Variants in GALNTL6 observed in about 807,000 individuals in gnomAD.
The protein encoded by GALNTL6 is polypeptide N-acetylgalactosaminyltransferase like 6.
Under a neutral mutation model 73.7 loss-of-function variants are expected in GALNTL6, and 46 were observed. The ratio of observed to expected loss-of-function variants is 0.62; its 90% confidence interval spans 0.49 to 0.80. The LOEUF (loss-of-function observed/expected upper bound fraction) is 0.80. Ranked by LOEUF, GALNTL6 falls within the 30% of genes least tolerant of loss-of-function variation. GALNTL6 has a pLI of 0.00. For synonymous variants in GALNTL6, 259 were observed against 263.7 expected (o/e 0.98, Z 0.17); for missense variants, 604 against 755.0 (o/e 0.80, Z 2.34).
At chr4:172,331,144 A>G (rs1448501301) in intron 4 of GALNTL6, among the ~76,000 whole-genome samples, 1 of 150,616 alleles carries the variant, frequency 6.6e-6, no homozygotes. Context: ...TTGTTAGTTC[A>G]TTTTTTGTTC....
intron 2 of GALNTL6, among the ~76,000 whole-genome samples, chr4:171,927,538 A>G (rs754205856): frequency 1.2e-4 from 19 of 152,110 alleles, no homozygotes; most frequent in Non-Finnish European, 2.1e-4. Flanking sequence ...CTCATACCCT[A>G]TACACATGCC....
chr4:172,980,368 C>T (rs185905304), intron 10 of GALNTL6, among the ~76,000 whole-genome samples: 258 of 152,364 alleles, frequency 1.7e-3, no homozygotes, highest in African/African-American at 5.9e-3. Context: ...ACCAGCACCA[C>T]TATCCATCAC....
chr4:172,147,982 T>G (rs1225291591), intron 2 of GALNTL6, among the ~76,000 whole-genome samples: 1 of 152,138 alleles, frequency 6.6e-6, no homozygotes, highest in African/African-American at 2.4e-5. Flanking sequence ...ATAAGAAACG[T>G]ATTTATTTGT....
intron 8 of GALNTL6, among the ~76,000 whole-genome samples, chr4:172,893,313 G>A (rs1746139142): frequency 6.7e-6 from 1 of 150,258 alleles, no homozygotes; most frequent in East Asian, 1.9e-4. Flanking sequence ...ACACAAACCT[G>A]TGTATCACTC....
At chr4:172,177,808 T>TATATGTGTGTGTATATATACACAC in intron 2 of GALNTL6, among the ~76,000 whole-genome samples, 1 of 135,800 alleles carries the variant, frequency 7.4e-6, no homozygotes, top group South Asian at 2.1e-4. Flanking sequence ...TACACACACA[T>TATATGTGTGTGTATATATACACAC]ATATGTGTGT....
At chr4:172,615,453 G>T (rs1237624577) in intron 5 of GALNTL6, among the ~76,000 whole-genome samples, 1 of 152,102 alleles carries the variant, frequency 6.6e-6, no homozygotes, top group African/African-American at 2.4e-5. Context: ...GCCAAAATGA[G>T]ACCATACTTT....
intron 2 of GALNTL6, among the ~76,000 whole-genome samples, chr4:171,963,740 C>T (rs1224352355): frequency 6.6e-6 from 1 of 152,062 alleles, no homozygotes; most frequent in East Asian, 1.9e-4. Context: ...ACCATATTAA[C>T]ATAACGACAT....
intron 7 of GALNTL6, among the ~76,000 whole-genome samples, chr4:172,829,468 T>C (rs1355665971): frequency 6.6e-6 from 1 of 152,188 alleles, no homozygotes; most frequent in Non-Finnish European, 1.5e-5. Flanking sequence ...GAAGGTAAAA[T>C]ATTTACTAGA....
intron 5 of GALNTL6, among the ~76,000 whole-genome samples, chr4:172,622,420 C>T (rs2111074299): frequency 6.6e-6 from 1 of 152,132 alleles, no homozygotes; most frequent in East Asian, 1.9e-4. Context: ...CAATGGATCA[C>T]ATTAAAAAGA....
intron 2 of GALNTL6, among the ~76,000 whole-genome samples, chr4:171,994,622 C>T (rs74574152): frequency 0.03 from 4,536 of 151,892 alleles, 225 homozygotes; most frequent in African/African-American, 0.1. Context: ...CAGTAAAGAA[C>T]GTATCCATGT....
intron 11 of GALNTL6, among the ~76,000 whole-genome samples, chr4:173,020,312 G>T (rs1391839645): frequency 2.0e-5 from 3 of 152,084 alleles, no homozygotes; most frequent in Admixed American, 2.0e-4. Context: ...TAATAGAATG[G>T]GATGGATATA....
chr4:172,619,263 C>T (rs536591148), intron 5 of GALNTL6, among the ~76,000 whole-genome samples: 18 of 152,194 alleles, frequency 1.2e-4, no homozygotes, highest in South Asian at 6.2e-4. Flanking sequence ...GATGCCAGAT[C>T]GACAGCCAAT....
chr4:172,384,259 A>G (rs557001363), intron 5 of GALNTL6, among the ~76,000 whole-genome samples: 7 of 152,202 alleles, frequency 4.6e-5, no homozygotes, highest in Admixed American at 3.9e-4. Flanking sequence ...TAGTTTTCCT[A>G]ATTACTGTTT....
chr4:172,331,722 A>G (rs971274917), intron 4 of GALNTL6, among the ~76,000 whole-genome samples: 2 of 152,116 alleles, frequency 1.3e-5, no homozygotes, highest in African/African-American at 4.8e-5. Context: ...TCATCTTTTT[A>G]AGGCTTAGTA....
At chr4:172,371,801 C>T (rs4362786) in intron 5 of GALNTL6, among the ~76,000 whole-genome samples, 122,632 of 152,042 alleles carry the variant, frequency 0.81, 50,362 homozygotes, top group Non-Finnish European at 0.88. Context: ...TGCTGCTGTT[C>T]TCCCCTCTCC....
intron 5 of GALNTL6, among the ~76,000 whole-genome samples, chr4:172,635,282 A>C (rs1460472610): frequency 4.6e-5 from 7 of 152,134 alleles, no homozygotes; most frequent in Non-Finnish European, 1.0e-4. Context: ...ATATTTTTCA[A>C]ATATAGTGCG....
intron 2 of GALNTL6, among the ~76,000 whole-genome samples, chr4:171,926,867 GC>G (rs1488177008): frequency 1.2e-4 from 19 of 152,102 alleles, no homozygotes; most frequent in African/African-American, 3.6e-4. Context: ...GTTAGTTTTA[GC>G]TTTTGCACAT....
At chr4:171,966,658 T>C (rs948988501) in intron 2 of GALNTL6, among the ~76,000 whole-genome samples, 2 of 152,210 alleles carry the variant, frequency 1.3e-5, no homozygotes, top group Non-Finnish European at 2.9e-5. Context: ...AGCCTCTGCA[T>C]TGGGCTTTAC....
At chr4:172,971,286 T>C (rs910846870) in intron 10 of GALNTL6, among the ~76,000 whole-genome samples, 1 of 152,236 alleles carries the variant, frequency 6.6e-6, no homozygotes, top group African/African-American at 2.4e-5. Flanking sequence ...TATTCTGTTA[T>C]AGCCGCACAA....
Sources: gnomAD v4.1 joint callset for allele counts (sites outside exome capture counted in the v4.1 genomes callset) on GRCh38, gnomAD v4.1.1 for gene constraint, MANE v1.5 for transcripts, NCBI Gene and HGNC (gene_info 2026-07-23, HGNC 2026-07-21) for gene names.